RAB2B: variants seen among roughly 807,000 people sequenced by gnomAD.
RAB2B encodes RAB2B, member RAS oncogene family.
Under a neutral mutation model 29.8 loss-of-function variants are expected in RAB2B, and 20 were observed. The observed-to-expected ratio is 0.67, with a 90% CI of 0.47 to 0.97. RAB2B has a LOEUF of 0.97. Among genes scored for constraint, RAB2B ranks in the 50% least tolerant of loss-of-function variants. RAB2B has a pLI of 0.00. For synonymous variants in RAB2B, 93 were observed against 91.7 expected (o/e 1.01, Z -0.08); for missense variants, 218 against 272.0 (o/e 0.80, Z 1.40).
chr14:21,473,937 G>A (rs1314455873), intron 3 of RAB2B, among the ~76,000 whole-genome samples: 2 of 152,118 alleles, frequency 1.3e-5, no homozygotes, highest in East Asian at 1.9e-4. Flanking sequence ...GCACGAACCC[G>A]GGAGGCGGAG....
chr14:21,469,395 G>A (rs1327444161), intron 3 of RAB2B, among the ~76,000 whole-genome samples: 1 of 152,120 alleles, frequency 6.6e-6, no homozygotes, highest in Non-Finnish European at 1.5e-5. Flanking sequence ...TTCTGTCATG[G>A]GAAATAGGAA....
chr14:21,469,559 T>C (rs926510971), intron 3 of RAB2B, among the ~76,000 whole-genome samples: 1 of 152,240 alleles, frequency 6.6e-6, no homozygotes, highest in African/African-American at 2.4e-5. Flanking sequence ...CTGGGTACTT[T>C]TGCTTTCTTG....
At position 21,476,537 on chromosome 14, in the gene RAB2B, G is replaced by C; in HGVS notation, c.109C>G (p.Leu37Val). ...TDKRFQPVHD[L>V]TIGVEFGARM... ...AAGTAGATGCACTTACCTATTGTGA[G>C]GTCGTGGACAGGCTGGAACCGCTTA... The change falls in exon 2 of 8, where the codon CTC becomes GTC. Residue 37 changes from leucine (L) to valine (V), a missense_variant. Transcript: ENST00000397762. The C allele has an allele frequency of 1.2e-6, 2 of 1,613,764 alleles. No individual in the cohort carries two copies. Among genetic ancestry groups the C allele is most frequent in the Non-Finnish European group, 1.7e-6 (2 of 1,180,018 alleles).
rs1566465906 is a variant in RAB2B, at chr14:21,462,219, A to T, written c.543+131T>A. 3 of 616,834 alleles carry T rather than the reference A, an allele frequency of 4.9e-6. No homozygotes were observed. The East Asian group carries it at 9.9e-5, about 20-fold the overall frequency. 38.2% of individuals were successfully genotyped at this position (616,834 alleles called of 1,614,324 possible). The stretch of plus-strand genomic sequence containing the variant: ...CCTAGATTTAAAAAAAAAAAAAAAA[A>T]AGTGTTGAATTGGCAGAGCTTTTAA... On this transcript the variant is annotated intron_variant, in intron 7 of 7. Coordinates refer to ENST00000397762, the MANE Select transcript of RAB2B (RefSeq NM_032846.4).
chr14:21,462,206 A>G, intron 7 of RAB2B, 144 bp downstream of exon 7: 1 of 526,258 alleles, frequency 1.9e-6, no homozygotes, highest in South Asian at 5.0e-5. Context: ...TAGATTTAAA[A>G]AAAAAAAAAA....
intron 5 of RAB2B, among the ~76,000 whole-genome samples, chr14:21,464,105 GA>G (rs890886436): frequency 1.3e-4 from 19 of 147,008 alleles, no homozygotes; most frequent in South Asian, 6.4e-4. Flanking sequence ...TATAGATGAG[GA>G]AAAAAAAAAA....
intron 5 of RAB2B, among the ~76,000 whole-genome samples, chr14:21,467,675 A>G (rs2139599066): frequency 6.6e-6 from 1 of 152,308 alleles, no homozygotes; most frequent in Non-Finnish European, 1.5e-5. Flanking sequence ...TTCTTCAAAA[A>G]ATAAAAGAAT....
rs141455914 is a variant in RAB2B, at chr14:21,459,662, T to G, written c.*1534A>C. The G allele has an allele frequency of 4.1e-4, 63 of 152,706 alleles. No individual in the cohort carries two copies. The highest frequency in any genetic ancestry group is 1.4e-3 in the African/African-American group (58 of 41,544). 9.5% of individuals were successfully genotyped at this position (152,706 alleles called of 1,614,324 possible). On this transcript the variant is annotated 3_prime_UTR_variant, in exon 8 of 8. Transcript: ENST00000397762. ...ATAAATATACATATAAATAGACATA[T>G]GAATAACCAACATATGAAAACTAAG... is the stretch of plus-strand genomic sequence containing the variant.
Position 21,461,312 on chromosome 14 carries a change from G to C in RAB2B, c.544-9C>G, listed in dbSNP as rs1373243570. ...ATCTTGATGCCATTTGCCTGTAAAA[G>C]AAAAGAGGCAATAGTTCCCACCTCA... On this transcript the variant is annotated splice_polypyrimidine_tract_variant and intron_variant, in intron 7 of 7. Coordinates refer to ENST00000397762, the MANE Select transcript of RAB2B (RefSeq NM_032846.4). 3 of 1,600,090 alleles carry C rather than the reference G, an allele frequency of 1.9e-6. No homozygotes were observed. The African/African-American group carries it at 4.0e-5, about 21-fold the overall frequency.
chr14:21,473,199 A>G (rs930879437), intron 3 of RAB2B, among the ~76,000 whole-genome samples: 2 of 152,224 alleles, frequency 1.3e-5, no homozygotes, highest in Non-Finnish European at 1.5e-5. Flanking sequence ...GAGGAAAAGA[A>G]AAAAGGAAAA....
At chr14:21,464,412 A>T (rs1338147477) in intron 5 of RAB2B, among the ~76,000 whole-genome samples, 1 of 66,176 alleles carries the variant, frequency 1.5e-5, no homozygotes, top group Non-Finnish European at 5.6e-5. Flanking sequence ...GCGGGGAAGA[A>T]AAAAAGGAAA....
At chr14:21,475,891 G>A (rs755394032) in intron 2 of RAB2B, among the ~76,000 whole-genome samples, 7 of 152,210 alleles carry the variant, frequency 4.6e-5, no homozygotes, top group Non-Finnish European at 5.9e-5. Flanking sequence ...AACTGCATTT[G>A]CATGGCAAGA....
At chr14:21,472,275 C>T (rs1372233792) in intron 3 of RAB2B, among the ~76,000 whole-genome samples, 2 of 152,144 alleles carry the variant, frequency 1.3e-5, no homozygotes, top group African/African-American at 4.8e-5. Context: ...CACACACACA[C>T]GATTTTTTAA....
At chr14:21,469,713 G>A (rs1474830522) in intron 3 of RAB2B, among the ~76,000 whole-genome samples, 1 of 152,002 alleles carries the variant, frequency 6.6e-6, no homozygotes, top group Admixed American at 6.6e-5. Context: ...ATAACAGGAG[G>A]TAAGACTATA....
rs1259264543 is a variant in RAB2B at position 21,460,457 on chromosome 14, T to C, written c.*739A>G. 3 of 345,572 alleles carry C rather than the reference T, an allele frequency of 8.7e-6. No individual in the cohort carries two copies. Among genetic ancestry groups the C allele is most frequent in the East Asian group, 7.4e-5 (1 of 13,450 alleles). The allele number at this position is 345,572 out of a possible 1,614,324, so 21.4% of individuals were successfully genotyped here. A position where few individuals can be genotyped will look rare whatever the true frequency, so the allele number is the denominator to read the frequency against. ...AAAATGAGCCAGGTGTGGTGGCACA[T>C]GCCTGTAGTCCCAGCTACTCGGGAG... On this transcript the variant is annotated 3_prime_UTR_variant, in exon 8 of 8. Transcript: ENST00000397762.
intron 3 of RAB2B, among the ~76,000 whole-genome samples, chr14:21,470,438 G>A (rs1405655207): frequency 6.6e-6 from 1 of 152,102 alleles, no homozygotes; most frequent in Non-Finnish European, 1.5e-5. Flanking sequence ...TAGGTGAGAA[G>A]AGAATTCCAG....
At chr14:21,465,203 G>C (rs2139596198) in intron 5 of RAB2B, among the ~76,000 whole-genome samples, 1 of 152,312 alleles carries the variant, frequency 6.6e-6, no homozygotes, top group African/African-American at 2.4e-5. Context: ...GACCAGGGAA[G>C]ATCTAAATGT....
In RAB2B at chr14:21,459,381, A is replaced by G. The variant is rs1890484216; in HGVS notation, c.*1815T>C. ...GTAAACAAATGAGTGGGGCAGAATT[A>G]CAGAGAGAGGACTCTAAAGTCTTTT... On this transcript the variant is annotated 3_prime_UTR_variant, in exon 8 of 8. Coordinates refer to ENST00000397762, the MANE Select transcript of RAB2B (RefSeq NM_032846.4). The G allele has an allele frequency of 6.6e-6, 1 of 152,242 alleles. No homozygotes were observed. Among genetic ancestry groups the G allele is most frequent in the Admixed American group, 6.5e-5 (1 of 15,274 alleles). 9.4% of individuals were successfully genotyped at this position (152,242 alleles called of 1,614,324 possible).
At chr14:21,466,946 G>A (rs759196893) in intron 5 of RAB2B, among the ~76,000 whole-genome samples, 7 of 151,472 alleles carry the variant, frequency 4.6e-5, no homozygotes, top group Non-Finnish European at 1.0e-4. Flanking sequence ...TCACTCTGTC[G>A]CCCTGGCTGG....
Sources: gnomAD v4.1 joint callset for allele counts (sites outside exome capture counted in the v4.1 genomes callset) on GRCh38, gnomAD v4.1.1 for gene constraint, MANE v1.5 for transcripts, NCBI Gene and HGNC (gene_info 2026-07-23, HGNC 2026-07-21) for gene names.